Variants in NFU1 observed in about 807,000 individuals in gnomAD.
NFU1 encodes NFU1 iron-sulfur cluster scaffold.
Under a neutral mutation model 32.2 loss-of-function variants are expected in NFU1, and 30 were observed. The observed-to-expected ratio is 0.93, with a 90% CI of 0.70 to 1.26. The LOEUF is 1.26. Ranked by LOEUF, NFU1 falls within the 50% of genes most tolerant of loss-of-function variation. The pLI is 0.00. For missense variants in NFU1, 306 were observed against 306.6 expected (o/e 1.00, Z 0.02); for synonymous variants, 112 against 104.6 (o/e 1.07, Z -0.43).
At chr2:69,433,483 CTT>C (rs772601296) in intron 1 of NFU1, among the ~76,000 whole-genome samples, 1 of 145,362 alleles carries the variant, frequency 6.9e-6, no homozygotes, top group Non-Finnish European at 1.5e-5. Flanking sequence ...CCTGGCCCGT[CTT>C]TTTTTTTTGA....
intron 4 of NFU1, 111 bp from the exon 5 acceptor site, chr2:69,415,410 C>CT: frequency 1.5e-6 from 1 of 683,246 alleles, no homozygotes; most frequent in Non-Finnish European, 2.6e-6. Context: ...GAGTCTCACT[C>CT]TGTTGCCCAG....
At chr2:69,407,353 C>T (rs935047648) in intron 5 of NFU1, among the ~76,000 whole-genome samples, 3 of 152,080 alleles carry the variant, frequency 2.0e-5, no homozygotes, top group Admixed American at 1.3e-4. Context: ...ATTCTGGCAA[C>T]CCCTAAAATT....
At chr2:69,416,780 C>A (rs1225728417) in intron 4 of NFU1, among the ~76,000 whole-genome samples, 2 of 152,108 alleles carry the variant, frequency 1.3e-5, no homozygotes, top group African/African-American at 2.4e-5. Context: ...GGCCTGTAAT[C>A]CCAGCTACTA....
At chr2:69,426,720 G>A (rs80039859) in intron 2 of NFU1, among the ~76,000 whole-genome samples, 4,083 of 152,206 alleles carry the variant, frequency 0.027, 215 homozygotes, top group African/African-American at 0.092. Flanking sequence ...ACGAAAGGAC[G>A]GCACTGGCAT....
chr2:69,419,214 CGG>C (rs56187913), intron 4 of NFU1, among the ~76,000 whole-genome samples: 32,174 of 146,436 alleles, frequency 0.22, 4,039 homozygotes, highest in African/African-American at 0.34. Context: ...CTCAGGGTGG[CGG>C]GGGGGGGCGC....
chr2:69,414,918 T>G (rs549764667), intron 5 of NFU1, among the ~76,000 whole-genome samples: 1 of 152,286 alleles, frequency 6.6e-6, no homozygotes, highest in South Asian at 2.1e-4. Flanking sequence ...GTAACTTAAT[T>G]AACATTTGTT....
intron 5 of NFU1, among the ~76,000 whole-genome samples, chr2:69,406,445 C>CT (rs1672697996): frequency 6.6e-6 from 1 of 152,132 alleles, no homozygotes; most frequent in Non-Finnish European, 1.5e-5. Context: ...TTGATGGAAA[C>CT]TTTGAGACAA....
chr2:69,423,812 A>T lies in NFU1; in HGVS notation c.167-95T>A. The T allele has an allele frequency of 4.3e-6, 4 of 939,912 alleles. No individual in the cohort carries two copies. The South Asian group carries it at 5.9e-5, about 14-fold the overall frequency. The allele number at this position is 939,912 out of a possible 1,614,324, so 58.2% of individuals were successfully genotyped here. On this transcript the variant is annotated intron_variant, in intron 2 of 7. Transcript: ENST00000410022. ...TCATTTGCAGAGAATCAGAAGAAGT[A>T]AGAAAAACTGGGGAAAAACCCAAGG...
chr2:69,403,028 CCTCT>C (rs1455243899), intron 6 of NFU1, among the ~76,000 whole-genome samples: 11 of 150,806 alleles, frequency 7.3e-5, no homozygotes, highest in South Asian at 2.1e-4. Flanking sequence ...TTCCTCCCTC[CCTCT>C]CTCTTTCTTT....
chr2:69,404,509 C>T (rs1422734639), intron 6 of NFU1, among the ~76,000 whole-genome samples: 3 of 150,782 alleles, frequency 2.0e-5, no homozygotes, highest in South Asian at 4.2e-4. Flanking sequence ...TATCTGTATA[C>T]ACCATGGAAT....
At chr2:69,433,828 C>CA (rs1178371151) in intron 1 of NFU1, among the ~76,000 whole-genome samples, 1 of 152,030 alleles carries the variant, frequency 6.6e-6, no homozygotes, top group Admixed American at 6.6e-5. Context: ...TGCTGGAGTA[C>CA]AATGGTGTGA....
At chr2:69,419,733 G>A in intron 3 of NFU1, 129 bp from the exon 4 acceptor site, 1 of 658,036 alleles carries the variant, frequency 1.5e-6, no homozygotes, top group Non-Finnish European at 2.7e-6. Flanking sequence ...ATCAACTCAT[G>A]GCCAATTTTG....
At chr2:69,436,832 G>C (rs186249515) in intron 1 of NFU1, among the ~76,000 whole-genome samples, 9 of 150,812 alleles carry the variant, frequency 6.0e-5, no homozygotes, top group African/African-American at 2.4e-5. Context: ...CTTAATGGTG[G>C]TGGGTGCAGG....
In NFU1 at chr2:69,415,054, A is replaced by C. The variant is rs1471940717; in HGVS notation, c.484+131T>G. 27 of 639,504 alleles carry C rather than the reference A, an allele frequency of 4.2e-5. No homozygotes were observed. The East Asian group carries it at 7.2e-4, about 17-fold the overall frequency. The allele number at this position is 639,504 out of a possible 1,614,324, so 39.6% of individuals were successfully genotyped here. ...ACACAAGCTTTCAAAATGATATATA[A>C]ATTTGCAGAGCTAAATATATTAAAT... On this transcript the variant is annotated intron_variant, in intron 5 of 7. Transcript: ENST00000410022.
intron 5 of NFU1, among the ~76,000 whole-genome samples, chr2:69,408,742 A>G (rs1239631191): frequency 1.1e-4 from 2 of 17,986 alleles, no homozygotes; most frequent in East Asian, 1.4e-3. Context: ...TTTTATATAT[A>G]TATATATATA....
intron 1 of NFU1, among the ~76,000 whole-genome samples, chr2:69,436,972 T>C (rs1023262955): frequency 2.0e-5 from 3 of 152,226 alleles, no homozygotes; most frequent in African/African-American, 4.8e-5. Flanking sequence ...TCTTCCCTTC[T>C]GTGTGACATT....
intron 6 of NFU1, among the ~76,000 whole-genome samples, chr2:69,402,764 G>A (rs781002411): frequency 3.3e-5 from 5 of 151,420 alleles, no homozygotes; most frequent in Non-Finnish European, 5.9e-5. Flanking sequence ...TATTTTTTTA[G>A]TAGACACAAG....
chr2:69,401,356 T>C (rs1285240550), intron 6 of NFU1, among the ~76,000 whole-genome samples: 1 of 152,232 alleles, frequency 6.6e-6, no homozygotes, highest in Non-Finnish European at 1.5e-5. Flanking sequence ...TAAATTCTAT[T>C]TATAAATCAC....
At position 69,435,453 on chromosome 2, in the gene NFU1, ATTC is replaced by A. The variant is rs565202556; in HGVS notation, c.62+1905_62+1907del. 5.3e-5 allele frequency among the ~76,000 whole-genome samples: 8 copies of A among 152,332 alleles called. No individual in the cohort carries two copies. The East Asian group carries it at 9.6e-4, about 18-fold the overall frequency. On this transcript the variant is annotated intron_variant, in intron 1 of 7. Coordinates refer to ENST00000410022, the MANE Select transcript of NFU1 (RefSeq NM_001002755.4). ...TTTTTCTCTCTCTCACAAAACTGGA[ATTC>A]TTCTCGTGGAAAAGAAAGAGTGGGC...
Sources: allele counts gnomAD v4.1 joint callset (sites outside exome capture counted in the v4.1 genomes callset), GRCh38; gene constraint gnomAD v4.1.1; transcripts MANE v1.5; gene names NCBI Gene and HGNC (gene_info 2026-07-23, HGNC 2026-07-21).